Variants in SDK2 observed in about 807,000 individuals in gnomAD.
SDK2 encodes the protein protein sidekick-2.
In SDK2, 105 loss-of-function variants were observed where a neutral mutation model predicts 253.9. The observed-to-expected ratio is 0.41, with a 90% confidence interval of 0.35 to 0.49. The LOEUF (loss-of-function observed/expected upper bound fraction) is 0.49. Among genes scored for constraint, SDK2 ranks in the 20% least tolerant of loss-of-function variants. The pLI is 0.06. For missense variants in SDK2, 2,608 were observed against 3,003.0 expected (o/e 0.87, Z 3.07); for synonymous variants, 1,249 against 1,234.9 (o/e 1.01, Z -0.24).
rs956047003 is a variant in SDK2 at position 73,614,333 on chromosome 17, C to T, written c.64+29692G>A. On this transcript the variant is annotated intron_variant, in intron 1 of 44. Transcript: ENST00000392650. The stretch of plus-strand genomic sequence containing the variant: ...GCTTCTCGAACCCGAGGATGGACCA[C>T]GTTTCCTGCCCTGCCTCGGTTTCCT... Among the ~76,000 whole-genome samples the T allele has an allele frequency of 4.6e-5, 7 of 152,108 alleles. No homozygotes were observed. The South Asian group carries it at 6.2e-4, about 14-fold the overall frequency.
Position 73,395,352 on chromosome 17 carries a change from A to G in SDK2, c.3395T>C (p.Val1132Ala). ...EMEYNGNPES[V>A]GYKIKYSRSD... Reference sequence around the variant, plus strand: ...CCGGCTGTACTTGATCTTATAGCCCACGGACTCAGGGTTCCCATTGTATTC... The same window carrying G: ...CCGGCTGTACTTGATCTTATAGCCCGCGGACTCAGGGTTCCCATTGTATTC... Residue 1132 changes from valine to alanine, a missense_variant, in exon 25 of 45, where the codon GTG (valine) becomes GCG (alanine). Physicochemically the swap from Val to Ala is moderately conservative, Grantham distance 64. Coordinates refer to ENST00000392650, the MANE Select transcript of SDK2 (RefSeq NM_001144952.2). The surrounding 1 kb of genome is among the most constrained non-coding windows in gnomAD (Gnocchi z 4.3). 1 of 1,613,940 alleles carries G rather than the reference A, an allele frequency of 6.2e-7. No individual in the cohort carries two copies. Among genetic ancestry groups the G allele is most frequent in the Non-Finnish European group, 8.5e-7 (1 of 1,179,874 alleles).
intron 1 of SDK2, among the ~76,000 whole-genome samples, chr17:73,546,281 T>C (rs2044964263): frequency 6.6e-6 from 1 of 152,198 alleles, no homozygotes; most frequent in Non-Finnish European, 1.5e-5. Context: ...AATTAGTTCA[T>C]TAGCTGACAC....
rs143202426 is a variant in SDK2 at position 73,361,038 on chromosome 17, G to T, written c.5467+646C>A. Among the ~76,000 whole-genome samples, 1 of 99,270 alleles carries T rather than the reference G, an allele frequency of 1.0e-5. No homozygotes were observed. Among genetic ancestry groups the T allele is most frequent in the South Asian group, 3.3e-4 (1 of 3,068 alleles). 65.1% of individuals were successfully genotyped at this position (99,270 alleles called of 152,430 possible). On this transcript the variant is annotated intron_variant, in intron 39 of 44. Coordinates refer to ENST00000392650, the MANE Select transcript of SDK2 (RefSeq NM_001144952.2). This position sits in a 1 kb window ranked among gnomAD's most constrained non-coding sequence, Gnocchi z 4.1. The stretch of plus-strand genomic sequence containing the variant: ...GGCGGGCAGTTACACACAAAAGGGC[G>T]TTCTGCGGAGGGGGTGGGTGGTGAG...
At chr17:73,500,149 C>T (rs1248505198) in intron 2 of SDK2, among the ~76,000 whole-genome samples, 5 of 122,644 alleles carry the variant, frequency 4.1e-5, no homozygotes, top group East Asian at 2.8e-4. Flanking sequence ...CCTCCCTCCA[C>T]TCTCCTCCAT....
chr17:73,408,046 C>CTTTTTTTT lies in SDK2; in HGVS notation c.2485-5906_2485-5905insAAAAAAAA, dbSNP rs373774628. On this transcript the variant is annotated intron_variant, in intron 18 of 44. Coordinates refer to ENST00000392650, the MANE Select transcript of SDK2 (RefSeq NM_001144952.2). ...ACACCATCTAGGAAGTAAAATATTT[C>CTTTTTTTT]CTTTTTTTTTTTTTTTTTCTTTTGA... Among the ~76,000 whole-genome samples, 74 of 50,950 alleles carry CTTTTTTTT rather than the reference C, an allele frequency of 1.5e-3. 12 individuals carry two copies. The highest frequency in any genetic ancestry group is 0.013 in the Middle Eastern group (1 of 80). The allele number at this position is 50,950 out of a possible 152,430, so 33.4% of individuals were successfully genotyped here. A position where few individuals can be genotyped will look rare whatever the true frequency, so the allele number is the denominator to read the frequency against.
chr17:73,566,770 A>T (rs934476683), intron 1 of SDK2, among the ~76,000 whole-genome samples: 32 of 152,122 alleles, frequency 2.1e-4, no homozygotes, highest in African/African-American at 7.2e-4. Context: ...TGGCAAAAGA[A>T]ATTTCTAAAC....
chr17:73,581,702 GAC>G (rs977320579), intron 1 of SDK2, among the ~76,000 whole-genome samples: 6 of 152,250 alleles, frequency 3.9e-5, no homozygotes, highest in African/African-American at 1.4e-4. Context: ...TTTCTCAAAG[GAC>G]ACCTCGGGGA....
chr17:73,466,454 T>TGAGTCGGGATTTAAAGCCAGGGCTCACA (rs2063597900), intron 3 of SDK2, among the ~76,000 whole-genome samples: 1 of 150,934 alleles, frequency 6.6e-6, no homozygotes, highest in Non-Finnish European at 1.5e-5. Context: ...TTGTGGGAGG[T>TGAGTCGGGATTTAAAGCCAGGGCTCACA]GAGTCGGGAT....
At chr17:73,515,273 C>T (rs1341927283) in intron 1 of SDK2, among the ~76,000 whole-genome samples, 1 of 152,210 alleles carries the variant, frequency 6.6e-6, no homozygotes, top group Non-Finnish European at 1.5e-5. Context: ...TCTCACCCTT[C>T]ATACCCCAAC....
intron 21 of SDK2, among the ~76,000 whole-genome samples, chr17:73,400,267 C>T (rs1038170925): frequency 5.3e-5 from 8 of 152,166 alleles, no homozygotes; most frequent in African/African-American, 1.9e-4. Flanking sequence ...TGAGAGTGGA[C>T]CTCGGCTTGC....
chr17:73,467,066 G>C lies in SDK2; in HGVS notation c.331+5046C>G, dbSNP rs755095589. Among the ~76,000 whole-genome samples the C allele has an allele frequency of 3.3e-5, 5 of 152,198 alleles. No individual in the cohort carries two copies. The South Asian group carries it at 1.0e-3, about 32-fold the overall frequency. The stretch of plus-strand genomic sequence containing the variant: ...ACTTTTCATCTACTCGTCCTGCTGA[G>C]AGCAAGGAAAACGATGTGATTGGTA... On this transcript the variant is annotated intron_variant, in intron 3 of 44. Transcript: ENST00000392650. This position sits in a 1 kb window ranked among gnomAD's most constrained non-coding sequence, Gnocchi z 4.1.
chr17:73,391,579 C>A, intron 27 of SDK2, 41 bp from the exon 28 acceptor site: 1 of 1,138,278 alleles, frequency 8.8e-7, no homozygotes, highest in African/African-American at 1.6e-5. Flanking sequence ...CATGAGGCTG[C>A]CGCTCAGCTG....
chr17:73,483,744 C>T (rs1233324588), intron 2 of SDK2, among the ~76,000 whole-genome samples: 4 of 132,504 alleles, frequency 3.0e-5, no homozygotes, highest in Admixed American at 8.2e-5. Context: ...GGTTTCACCA[C>T]GTTGGCCAGG....
intron 1 of SDK2, chr17:73,520,739 G>C (rs2064071975): frequency 6.6e-6 from 1 of 152,364 alleles, no homozygotes; most frequent in African/African-American, 2.4e-5. Context: ...AGAAGCAGAA[G>C]CTTCAGGCAG....
Position 73,419,256 on chromosome 17 carries a change from G to A in SDK2, c.2096C>T (p.Ala699Val), listed in dbSNP as rs760330544. 6.2e-7 allele frequency: 1 copy of A among 1,613,056 alleles called. No individual in the cohort carries two copies. Among genetic ancestry groups the A allele is most frequent in the Admixed American group, 1.7e-5 (1 of 59,904 alleles). ...GATGGACTGGTTGGTTCGACCGCTG[G>A]CGATGACGTTCTGTGGAGGGGCCGT... ...PPTAPPQNVI[A>V]SGRTNQSIMI... Residue 699 changes from alanine to valine, a missense_variant, in exon 16 of 45, where the codon GCC (alanine) becomes GTC (valine). Ala to Val is a moderately conservative substitution (Grantham distance 64, BLOSUM62 0). Transcript: ENST00000392650.
chr17:73,466,724 C>T (rs541364403), intron 3 of SDK2, among the ~76,000 whole-genome samples: 1 of 142,582 alleles, frequency 7.0e-6, no homozygotes, highest in African/African-American at 2.5e-5. Flanking sequence ...CGCCCCCCCC[C>T]CCCGGCTTAG....
intron 31 of SDK2, among the ~76,000 whole-genome samples, 180 bp from the exon 32 acceptor site, chr17:73,386,097 G>A (rs2062869849): frequency 6.6e-6 from 1 of 152,092 alleles, no homozygotes; most frequent in African/African-American, 2.4e-5. Flanking sequence ...AGGGAGGGAG[G>A]GACTGTGAGC....
chr17:73,466,727 CG>C lies in SDK2; in HGVS notation c.331+5384del, dbSNP rs201290958. Among the ~76,000 whole-genome samples, 1,064 of 134,012 alleles carry C rather than the reference CG, an allele frequency of 7.9e-3. 184 individuals are homozygous for C. Among genetic ancestry groups the C allele is most frequent in the African/African-American group, 0.029 (774 of 27,126 alleles). The allele number at this position is 134,012 out of a possible 152,430, so 87.9% of individuals were successfully genotyped here. On this transcript the variant is annotated intron_variant, in intron 3 of 44. Transcript: ENST00000392650. The stretch of plus-strand genomic sequence containing the variant: ...GGCTCTGGGGAACGCCCCCCCCCCC[CG>C]GCTTAGGCTCTGCATCTTTGGGGGG...
At chr17:73,546,885 G>T (rs1260585439) in intron 1 of SDK2, among the ~76,000 whole-genome samples, 1 of 152,250 alleles carries the variant, frequency 6.6e-6, no homozygotes, top group Non-Finnish European at 1.5e-5. Context: ...TGCAGGGATG[G>T]TACAGACAGG....
Sources: allele counts gnomAD v4.1 joint callset (sites outside exome capture counted in the v4.1 genomes callset), GRCh38; gene constraint gnomAD v4.1.1; non-coding constraint Gnocchi (gnomAD v3.1); transcripts MANE v1.5; gene names NCBI Gene and HGNC (gene_info 2026-07-23, HGNC 2026-07-21).